Variants in DNAH11 observed in about 807,000 individuals in gnomAD.
The protein encoded by DNAH11 is axonemal beta dynein heavy chain 11.
A neutral mutation model predicts 526.0 loss-of-function variants in DNAH11; 442 were observed. That is an observed-to-expected ratio of 0.84 (90% CI 0.78 to 0.91). The LOEUF is 0.91. DNAH11 is among the 40% of genes least tolerant of loss of function. DNAH11 has a pLI of 0.00. For synonymous variants in DNAH11, 2,461 were observed against 1,935.9 expected, an observed-to-expected ratio of 1.27 and a Z score of -7.12; for missense variants, 6,989 against 5,448.7, an observed-to-expected ratio of 1.28 and a Z score of -8.90.
intron 54 of DNAH11, among the ~76,000 whole-genome samples, chr7:21,752,687 C>CT: frequency 6.6e-6 from 1 of 152,038 alleles, no homozygotes; most frequent in South Asian, 2.1e-4. Flanking sequence ...TCAAGATAAT[C>CT]TTTTTTATTT....
intron 25 of DNAH11, among the ~76,000 whole-genome samples, chr7:21,633,626 T>A (rs1457461276): frequency 1.3e-5 from 2 of 152,218 alleles, no homozygotes; most frequent in African/African-American, 2.4e-5. Flanking sequence ...CCAGGTATGA[T>A]ACCATTTGTG....
At chr7:21,715,425 A>G (rs1423873942) in intron 42 of DNAH11, among the ~76,000 whole-genome samples, 3 of 152,230 alleles carry the variant, frequency 2.0e-5, no homozygotes, top group Admixed American at 6.5e-5. Context: ...AATGACCTGC[A>G]TATTGCCATT....
chr7:21,578,169 A>G (rs1583497231), intron 8 of DNAH11, among the ~76,000 whole-genome samples: 1 of 152,230 alleles, frequency 6.6e-6, no homozygotes, highest in African/African-American at 2.4e-5. Flanking sequence ...CATGAGAACA[A>G]CAAAGAGTAA....
intron 57 of DNAH11, among the ~76,000 whole-genome samples, chr7:21,783,833 C>A (rs1273466824): frequency 6.6e-6 from 1 of 152,156 alleles, no homozygotes; most frequent in African/African-American, 2.4e-5. Flanking sequence ...TGGGCTCTTG[C>A]ATCTCTGGTT....
At chr7:21,550,353 T>G (rs1782974416) in intron 2 of DNAH11, among the ~76,000 whole-genome samples, 1 of 152,164 alleles carries the variant, frequency 6.6e-6, no homozygotes, top group South Asian at 2.1e-4. Context: ...GAGTCAGAAG[T>G]CCTTTTAACC....
chr7:21,865,991 G>C (rs948482215), intron 70 of DNAH11, among the ~76,000 whole-genome samples: 1 of 152,146 alleles, frequency 6.6e-6, no homozygotes, highest in Non-Finnish European at 1.5e-5. Flanking sequence ...CATCACCATC[G>C]TGGTTTTGTT....
intron 66 of DNAH11, among the ~76,000 whole-genome samples, chr7:21,850,170 C>A (rs1445853307): frequency 6.7e-6 from 1 of 150,034 alleles, no homozygotes; most frequent in Non-Finnish European, 1.5e-5. Flanking sequence ...TCCTGGCTAA[C>A]ACGGTGAAAC....
At chr7:21,696,191 G>T (rs951475311) in intron 35 of DNAH11, among the ~76,000 whole-genome samples, 1 of 151,220 alleles carries the variant, frequency 6.6e-6, no homozygotes, top group Non-Finnish European at 1.5e-5. Flanking sequence ...AGTTTTTAGT[G>T]TGATCTCTTT....
In DNAH11 at chr7:21,591,313, G is replaced by GT; in HGVS notation, c.2404dup (p.Trp802LeufsTer7). ...ACGAGCAGCTGACAGCAGCCACAAC[G>GT]TGGCTGACATGGCAGGATGACTGCT... is the stretch of plus-strand genomic sequence containing the variant. On this transcript the variant is annotated frameshift_variant, in exon 14 of 82. Transcript: ENST00000409508. LOFTEE classifies it high-confidence loss of function. 1 of 1,613,884 alleles carries GT rather than the reference G, an allele frequency of 6.2e-7. No homozygotes were observed. The highest frequency in any genetic ancestry group is 2.2e-5 in the East Asian group (1 of 44,876).
Position 21,681,544 on chromosome 7 carries a change from A to G in DNAH11, c.5329-2A>G, listed in dbSNP as rs932177093. ...TCCTTTTTAAAAAATGATTCCTTCT[A>G]GATTTCTCAGCTGAATACACTGATT... On this transcript the variant is annotated splice_acceptor_variant, in intron 30 of 81. Coordinates refer to ENST00000409508, the MANE Select transcript of DNAH11 (RefSeq NM_001277115.2). LOFTEE classifies it high-confidence loss of function. 1 of 1,613,412 alleles carries G rather than the reference A, an allele frequency of 6.2e-7. No homozygotes were observed. The highest frequency in any genetic ancestry group is 8.5e-7 in the Non-Finnish European group (1 of 1,179,508).
chr7:21,611,728 A>G (rs1203753500), intron 20 of DNAH11, among the ~76,000 whole-genome samples: 2 of 152,250 alleles, frequency 1.3e-5, no homozygotes, highest in East Asian at 1.9e-4. Context: ...CTCATTAGCA[A>G]CAATCGGAGC....
intron 63 of DNAH11, among the ~76,000 whole-genome samples, chr7:21,811,732 A>G (rs1051262350): frequency 6.6e-6 from 1 of 152,208 alleles, no homozygotes; most frequent in Non-Finnish European, 1.5e-5. Flanking sequence ...TATGTTAAGT[A>G]TATTTTACCA....
chr7:21,872,451 T>C (rs1279627605), intron 73 of DNAH11, among the ~76,000 whole-genome samples: 2 of 152,214 alleles, frequency 1.3e-5, no homozygotes, highest in African/African-American at 4.8e-5. Flanking sequence ...ATCTTAAATG[T>C]TTTTCTTTGT....
chr7:21,667,360 G>A (rs547487761), intron 30 of DNAH11, among the ~76,000 whole-genome samples: 1 of 152,150 alleles, frequency 6.6e-6, no homozygotes, highest in East Asian at 1.9e-4. Flanking sequence ...TGTCTTTGTG[G>A]GCCATATAGT....
chr7:21,594,189 G>C (rs192059846), intron 14 of DNAH11, among the ~76,000 whole-genome samples: 1 of 152,162 alleles, frequency 6.6e-6, no homozygotes, highest in Non-Finnish European at 1.5e-5. Context: ...GGCTGGGCCT[G>C]AATTTTCTCA....
At chr7:21,688,009 A>T (rs62445284) in intron 34 of DNAH11, among the ~76,000 whole-genome samples, 42,575 of 151,956 alleles carry the variant, frequency 0.28, 5,914 homozygotes, top group African/African-American at 0.32. Context: ...CTGCAGTGAG[A>T]TGTGTTCGTG....
intron 35 of DNAH11, among the ~76,000 whole-genome samples, chr7:21,696,013 C>T (rs138912809): frequency 4.6e-5 from 7 of 152,322 alleles, no homozygotes; most frequent in African/African-American, 1.7e-4. Flanking sequence ...ATACCTGATA[C>T]ATGGGTAACT....
Position 21,842,643 on chromosome 7 carries a change from A to G in DNAH11, c.10791A>G (p.Gln3597=), listed in dbSNP as rs1050560432. 5.6e-6 allele frequency: 9 copies of G among 1,613,870 alleles called. No homozygotes were observed. The Admixed American group carries it at 6.7e-5, about 12-fold the overall frequency. ...ATCCTCACTATAAGCCGGAATTACA[A>G]GCTCAGACAACTCTCCTCAATTTCA... ...LANPHYKPEL[Q]AQTTLLNFTV... Residue 3597 remains glutamine, a synonymous_variant, in exon 66 of 82, where the codon CAA becomes CAG. Transcript: ENST00000409508.
chr7:21,845,414 T>G (rs1047853958), intron 66 of DNAH11, among the ~76,000 whole-genome samples: 21 of 152,190 alleles, frequency 1.4e-4, no homozygotes, highest in African/African-American at 5.1e-4. Flanking sequence ...TGCACCTTCA[T>G]TCTTTTGCCT....
Sources: allele counts gnomAD v4.1 joint callset (sites outside exome capture counted in the v4.1 genomes callset), GRCh38; gene constraint gnomAD v4.1.1; transcripts MANE v1.5; gene names NCBI Gene and HGNC (gene_info 2026-07-23, HGNC 2026-07-21).